Variants in SLC1A3 observed in about 807,000 individuals in gnomAD.
SLC1A3 encodes the protein excitatory amino acid transporter 1.
A neutral mutation model predicts 48.1 loss-of-function variants in SLC1A3; 21 were observed. That is an observed-to-expected ratio of 0.44 (90% CI 0.31 to 0.63). SLC1A3 has a LOEUF of 0.63. Ranked by LOEUF, SLC1A3 falls within the 20% of genes least tolerant of loss-of-function variation. The probability of loss-of-function intolerance (pLI) is 0.08; values close to 1 mark genes in which losing one functional copy is unlikely to be tolerated. For missense variants in SLC1A3, 546 were observed against 689.0 expected, an observed-to-expected ratio of 0.79 and a Z score of 2.32; for synonymous variants, 239 against 251.4, an observed-to-expected ratio of 0.95 and a Z score of 0.47.
intron 9 of SLC1A3, among the ~76,000 whole-genome samples, chr5:36,684,614 C>T (rs1486443760): frequency 6.6e-6 from 1 of 152,222 alleles, no homozygotes; most frequent in Non-Finnish European, 1.5e-5. Flanking sequence ...TGCCTTTTCT[C>T]TTAAAAATTT....
At chr5:36,657,491 T>C (rs1011180706) in intron 3 of SLC1A3, among the ~76,000 whole-genome samples, 1 of 151,802 alleles carries the variant, frequency 6.6e-6, no homozygotes, top group Non-Finnish European at 1.5e-5. Flanking sequence ...GAAGCACCCT[T>C]ATGTACTTTT....
chr5:36,676,089 C>G (rs377535446), intron 5 of SLC1A3, among the ~76,000 whole-genome samples: 2 of 152,152 alleles, frequency 1.3e-5, no homozygotes, highest in African/African-American at 4.8e-5. Context: ...GGAAAAAGAC[C>G]ATCTCTTGAG....
At chr5:36,684,120 T>G in intron 9 of SLC1A3, 122 bp downstream of exon 9, 1 of 1,271,568 alleles carries the variant, frequency 7.9e-7, no homozygotes, top group Non-Finnish European at 1.1e-6. Context: ...TCTCGGCCCA[T>G]AGTTAAATTG....
Position 36,671,121 on chromosome 5 carries a change from G to T in SLC1A3, c.412G>T (p.Gly138Cys). ...MTTTIIAVVI[G>C]IIIVIIIHPG... is the part of the protein sequence containing the mutation. Reference sequence around the variant, plus strand: ...TACCACCATCATTGCTGTGGTGATTGGCATAATCATTGTCATCATCATCCA... The same window carrying T: ...TACCACCATCATTGCTGTGGTGATTTGCATAATCATTGTCATCATCATCCA... The change falls in exon 4 of 10, where the codon GGC (glycine) becomes TGC (cysteine). Residue 138 changes from glycine to cysteine, a missense_variant. Around this residue, in one of 3 missense-constraint regions of SLC1A3, gnomAD observed 348 missense variants for 392.0 expected, o/e 0.89. Transcript: ENST00000265113. 6.2e-7 allele frequency: 1 copy of T among 1,613,696 alleles called. No homozygotes were observed. The highest frequency in any genetic ancestry group is 8.5e-7 in the Non-Finnish European group (1 of 1,179,636).
At chr5:36,657,735 G>A (rs1200674507) in intron 3 of SLC1A3, among the ~76,000 whole-genome samples, 3 of 152,166 alleles carry the variant, frequency 2.0e-5, no homozygotes, top group Admixed American at 6.5e-5. Flanking sequence ...AGGCAATTGC[G>A]CAATTACAGG....
At chr5:36,609,133 TGGG>T in intron 2 of SLC1A3, 1 of 986,156 alleles carries the variant, frequency 1.0e-6, no homozygotes, top group Non-Finnish European at 1.2e-6. Context: ...AAAGGTAGAT[TGGG>T]GAAAATGTTA....
intron 3 of SLC1A3, chr5:36,629,861 C>T (rs1039762614): frequency 9.0e-6 from 4 of 446,022 alleles, no homozygotes; most frequent in Non-Finnish European, 1.7e-5. Context: ...AAACACCACA[C>T]CATCAGCCTT....
chr5:36,638,150 T>C (rs552505331), intron 3 of SLC1A3, among the ~76,000 whole-genome samples: 40 of 151,932 alleles, frequency 2.6e-4, no homozygotes, highest in African/African-American at 8.2e-4. Flanking sequence ...GTTTCCACCT[T>C]ATCACAGTTA....
chr5:36,627,795 GT>G (rs1361637135), intron 2 of SLC1A3, among the ~76,000 whole-genome samples: 1 of 152,192 alleles, frequency 6.6e-6, no homozygotes, highest in Non-Finnish European at 1.5e-5. Context: ...ACATAAAGGG[GT>G]TAAGAACCTG....
At chr5:36,609,768 C>T (rs1224647030) in intron 2 of SLC1A3, among the ~76,000 whole-genome samples, 1 of 152,120 alleles carries the variant, frequency 6.6e-6, no homozygotes, top group Admixed American at 6.5e-5. Context: ...TCCTAACTGA[C>T]CCAGAGAAGT....
chr5:36,638,212 T>G (rs1489922034), intron 3 of SLC1A3, among the ~76,000 whole-genome samples: 1 of 152,192 alleles, frequency 6.6e-6, no homozygotes, highest in African/African-American at 2.4e-5. Context: ...TCATAGAGGC[T>G]TCTTGAAGGT....
intron 1 of SLC1A3, among the ~76,000 whole-genome samples, chr5:36,607,807 T>C (rs1391397562): frequency 6.6e-6 from 1 of 152,318 alleles, no homozygotes. Context: ...TATTATTATA[T>C]TTTTTTCTTA....
At chr5:36,623,873 A>G (rs997194115) in intron 2 of SLC1A3, among the ~76,000 whole-genome samples, 1 of 151,866 alleles carries the variant, frequency 6.6e-6, no homozygotes, top group Non-Finnish European at 1.5e-5. Flanking sequence ...AAAAAAAAAA[A>G]AAAAAAGAAA....
At chr5:36,678,920 T>C (rs1198817832) in intron 6 of SLC1A3, among the ~76,000 whole-genome samples, 2 of 152,220 alleles carry the variant, frequency 1.3e-5, no homozygotes, top group Non-Finnish European at 2.9e-5. Context: ...CTTCTAATTA[T>C]GGCAAGTGGT....
At chr5:36,671,370 C>T (rs1158094399) in intron 4 of SLC1A3, 137 bp downstream of exon 4, 1 of 715,378 alleles carries the variant, frequency 1.4e-6, no homozygotes, top group African/African-American at 1.8e-5. Flanking sequence ...TATATCTTTA[C>T]CTCTTTCTTA....
intron 4 of SLC1A3, among the ~76,000 whole-genome samples, chr5:36,672,985 G>A (rs577521742): frequency 6.6e-6 from 1 of 152,240 alleles, no homozygotes; most frequent in African/African-American, 2.4e-5. Flanking sequence ...TCCCCAGTCT[G>A]GTTGATCCAT....
chr5:36,645,408 C>T (rs1313183573), intron 3 of SLC1A3, among the ~76,000 whole-genome samples: 1 of 142,802 alleles, frequency 7.0e-6, no homozygotes, highest in Non-Finnish European at 1.5e-5. Context: ...CTCACTGTAA[C>T]CTCCGCCTCC....
intron 1 of SLC1A3, among the ~76,000 whole-genome samples, chr5:36,600,347 G>C: frequency 6.6e-6 from 1 of 152,164 alleles, no homozygotes; most frequent in Non-Finnish European, 1.5e-5. Flanking sequence ...TCACTCTTCA[G>C]TTTGGAGGAG....
chr5:36,674,006 A>G (rs1742101477), intron 4 of SLC1A3, 43 bp from the exon 5 acceptor site: 1 of 1,532,500 alleles, frequency 6.5e-7, no homozygotes. Context: ...GAGCAAACTT[A>G]TTACTTGGAA....
Sources: allele counts gnomAD v4.1 joint callset (sites outside exome capture counted in the v4.1 genomes callset), GRCh38; gene constraint gnomAD v4.1.1; regional missense constraint gnomAD v4.1.1; transcripts MANE v1.5; gene names NCBI Gene and HGNC (gene_info 2026-07-23, HGNC 2026-07-21).